The following ACCS variants were observed in gnomAD, a reference collection of about 807,000 sequenced individuals.
ACCS encodes 1-aminocyclopropane-1-carboxylate synthase-like protein 1.
A neutral mutation model predicts 59.8 loss-of-function variants in ACCS; 42 were observed. That is an observed-to-expected ratio of 0.70 (90% confidence interval 0.55 to 0.91). The LOEUF (loss-of-function observed/expected upper bound fraction) is 0.91. Ranked by LOEUF, ACCS falls within the 40% of genes least tolerant of loss-of-function variation. The probability of loss-of-function intolerance (pLI) is 0.00; values close to 1 mark genes in which losing one functional copy is unlikely to be tolerated. For synonymous variants in ACCS, 230 were observed against 240.3 expected (o/e 0.96, Z 0.40); for missense variants, 602 against 630.4 (o/e 0.95, Z 0.48).
intron 6 of ACCS, 116 bp downstream of exon 6, chr11:44,075,708 A>C (rs1036860864): frequency 1.5e-5 from 18 of 1,240,630 alleles, no homozygotes; most frequent in Admixed American, 2.2e-5. Flanking sequence ...AGAATATACT[A>C]GACTGCAGGG....
chr11:44,079,541 C>A lies in ACCS; in HGVS notation c.844C>A (p.His282Asn), dbSNP rs767124799. The change falls in exon 10 of 15, where the codon CAT becomes AAT. Residue 282 changes from histidine (H) to asparagine (N), a missense_variant. Physicochemically the swap from His to Asn is moderately conservative, Grantham distance 68. Transcript: ENST00000263776. ...YLVFAKRHRLHVIVDEVYMLS... is the reference protein window; with the variant it reads ...YLVFAKRHRLNVIVDEVYMLS... ...CCTGCCTCACTCCAGGCACAGGCTG[C>A]ATGTGATTGTGGATGAGGTCTACAT... 2 of 1,610,988 alleles carry A rather than the reference C, an allele frequency of 1.2e-6. No individual in the cohort carries two copies. Among genetic ancestry groups the A allele is most frequent in the South Asian group, 2.2e-5 (2 of 89,956 alleles).
intron 7 of ACCS, 196 bp from the exon 8 acceptor site, chr11:44,077,649 A>C: frequency 2.8e-6 from 4 of 1,439,246 alleles, no homozygotes; most frequent in Non-Finnish European, 3.6e-6. Flanking sequence ...CATGACACCC[A>C]AGAGTGATGA....
Position 44,079,635 on chromosome 11 carries a change from C to T in ACCS, c.923+15C>T. 6.3e-7 allele frequency: 1 copy of T among 1,595,806 alleles called. No homozygotes were observed. The highest frequency in any genetic ancestry group is 8.5e-7 in the Non-Finnish European group (1 of 1,170,112). On this transcript the variant is annotated intron_variant, in intron 10 of 14. Transcript: ENST00000263776. ...AGCCTGGAAAGGTGAGGCTCCCTGA[C>T]ACAGCTAACTCCCCCAGTCCCTATT...
At chr11:44,071,438 G>A (rs557812453) in intron 3 of ACCS, 123 bp downstream of exon 3, 3 of 1,063,916 alleles carry the variant, frequency 2.8e-6, no homozygotes, top group East Asian at 4.8e-5. Flanking sequence ...CAGGAGACCC[G>A]GGTTCCAGGC....
chr11:44,074,241 G>A (rs1953200926), intron 4 of ACCS, among the ~76,000 whole-genome samples: 1 of 152,094 alleles, frequency 6.6e-6, no homozygotes, highest in South Asian at 2.1e-4. Context: ...TGAAGAGTAA[G>A]TAAAAATTTT....
rs1165340791 is a variant in ACCS, at chr11:44,067,748, G to T, written c.121G>T (p.Asp41Tyr). 6.2e-7 allele frequency: 1 copy of T among 1,614,190 alleles called. No individual in the cohort carries two copies. The highest frequency in any genetic ancestry group is 1.1e-5 in the South Asian group (1 of 91,074). The change falls in exon 2 of 15, where the codon GAC (aspartate) becomes TAC (tyrosine). Residue 41 changes from aspartate to tyrosine, a missense_variant. Coordinates refer to ENST00000263776, the MANE Select transcript of ACCS (RefSeq NM_032592.4). ...GGAAGGAGAATGCTCCAGAAAACTG[G>T]ACCAGAAGCTGCCAGAGCTCCGTGG... ...DLEGECSRKL[D>Y]QKLPELRGVG...
chr11:44,075,695 A>G (rs1953327580), intron 6 of ACCS, 103 bp downstream of exon 6: 2 of 1,372,258 alleles, frequency 1.5e-6, no homozygotes, highest in East Asian at 2.3e-5. Context: ...TTTCGGGCAC[A>G]ATAGAATATA....
intron 1 of ACCS, chr11:44,067,247 A>G (rs751762934): frequency 3.2e-5 from 6 of 189,542 alleles, no homozygotes; most frequent in Non-Finnish European, 3.3e-5. Context: ...ACTCCCAGGC[A>G]ATACTCTGCT....
In ACCS at chr11:44,083,020, G is replaced by A. The variant is rs571348084; in HGVS notation, c.1112-149G>A. The A allele has an allele frequency of 2.0e-5, 21 of 1,071,086 alleles. No homozygotes were observed. The East Asian group carries it at 3.4e-4, about 17-fold the overall frequency. The allele number at this position is 1,071,086 out of a possible 1,614,324, so 66.3% of individuals were successfully genotyped here. A position where few individuals can be genotyped will look rare whatever the true frequency, so the allele number is the denominator to read the frequency against. On this transcript the variant is annotated intron_variant, in intron 12 of 14. Transcript: ENST00000263776. ...TCCATCCCTTCTTGACCTCCCCTTCGTAATCCTTCCCACCACAGCAGCCAG... is the reference window on the plus strand; with the variant it reads ...TCCATCCCTTCTTGACCTCCCCTTCATAATCCTTCCCACCACAGCAGCCAG...
At position 44,073,485 on chromosome 11, in the gene ACCS, G is replaced by A. The variant is rs759905134; in HGVS notation, c.387G>A (p.Leu129=). 1.2e-5 allele frequency: 19 copies of A among 1,608,702 alleles called. No homozygotes were observed. The South Asian group carries it at 2.1e-4, about 18-fold the overall frequency. ...QRDMQRVEPS[L]LQYADWRGHL... Reference sequence around the variant, plus strand: ...ACATGCAGAGGGTGGAGCCATCCCTGCTGCAGTATGCTGACTGGAGGGGAC... The same window carrying A: ...ACATGCAGAGGGTGGAGCCATCCCTACTGCAGTATGCTGACTGGAGGGGAC... Residue 129 remains leucine (L), a synonymous_variant, in exon 4 of 15, where the codon CTG becomes CTA. Transcript: ENST00000263776.
chr11:44,071,270 G>T lies in ACCS; in HGVS notation c.303G>T (p.Leu101Phe). The change falls in exon 3 of 15, where the codon TTG becomes TTT. Residue 101 changes from leucine (L) to phenylalanine (F), a missense_variant. Transcript: ENST00000263776. Reference protein sequence around the residue: ...EDKNPSGIINLGTSENKLCFD... With the variant: ...EDKNPSGIINFGTSENKLCFD... ...CTCATCTCCAGGGCATCATTAACTT[G>T]GGCACCAGTGAGAACAAACTCTGCT... 1.9e-6 allele frequency: 3 copies of T among 1,614,066 alleles called. No individual in the cohort carries two copies. Among genetic ancestry groups the T allele is most frequent in the Non-Finnish European group, 1.7e-6 (2 of 1,179,990 alleles).
intron 5 of ACCS, among the ~76,000 whole-genome samples, chr11:44,075,061 T>A (rs548602006): frequency 5.9e-4 from 90 of 152,080 alleles, no homozygotes; most frequent in African/African-American, 2.2e-3. Context: ...CGACCTCAGG[T>A]GATCTGCCCG....
In ACCS at chr11:44,083,549, C is replaced by G. The variant is rs1185934750; in HGVS notation, c.1380C>G (p.Phe460Leu). ...AGCCTGGTTGGTTTCGCTTTGTCTTCTCAGACCAGGTCCACCGGCTTTGCC... is the reference window on the plus strand; with the variant it reads ...AGCCTGGTTGGTTTCGCTTTGTCTTGTCAGACCAGGTCCACCGGCTTTGCC... ...CKEPGWFRFV[F>L]SDQVHRLCLG... The change falls in exon 14 of 15, where the codon TTC (phenylalanine) becomes TTG (leucine). Residue 460 changes from phenylalanine (F) to leucine (L), a missense_variant. By Grantham distance (22) the Phe-to-Leu change is conservative. Coordinates refer to ENST00000263776, the MANE Select transcript of ACCS (RefSeq NM_032592.4). The G allele has an allele frequency of 6.2e-7, 1 of 1,614,260 alleles. No individual in the cohort carries two copies. The highest frequency in any genetic ancestry group is 1.7e-5 in the Admixed American group (1 of 60,032).
In ACCS at chr11:44,073,423, G is replaced by A. The variant is rs370257359; in HGVS notation, c.349-24G>A. 137 of 1,597,716 alleles carry A rather than the reference G, an allele frequency of 8.6e-5. No individual in the cohort carries two copies. The African/African-American group carries it at 1.5e-3, about 18-fold the overall frequency. On this transcript the variant is annotated intron_variant, in intron 3 of 14. Transcript: ENST00000263776. ...CTGGTAGCAGTGCTGGCCCTCAGCC[G>A]TGCTCTTCCCTCTCTGTCCCCAGCT...
intron 6 of ACCS, 100 bp from the exon 7 acceptor site, chr11:44,077,179 A>T: frequency 7.4e-7 from 1 of 1,350,580 alleles, no homozygotes; most frequent in Non-Finnish European, 1.0e-6. Context: ...AACGGTCCCC[A>T]AAGAAGTTAA....
chr11:44,071,552 T>A lies in ACCS; in HGVS notation c.348+237T>A, dbSNP rs528562497. 1.3e-3 allele frequency: 617 copies of A among 477,228 alleles called. 1 individual carries two copies. Among genetic ancestry groups the A allele is most frequent in the Non-Finnish European group, 2.0e-3 (546 of 266,878 alleles). The allele number at this position is 477,228 out of a possible 1,614,324, so 29.6% of individuals were successfully genotyped here. ...TCTTATTTCACTCAGTCCCTCCTGC[T>A]GTGTTGGGTCCCCTGATCTCAGAGG... is the stretch of plus-strand genomic sequence containing the variant. On this transcript the variant is annotated intron_variant, in intron 3 of 14. Coordinates refer to ENST00000263776, the MANE Select transcript of ACCS (RefSeq NM_032592.4).
At position 44,071,226 on chromosome 11, in the gene ACCS, TAA is replaced by T. The variant is rs750950641; in HGVS notation, c.289-29_289-28del. 8.1e-6 allele frequency: 13 copies of T among 1,613,852 alleles called. No individual in the cohort carries two copies. In the Admixed American group the frequency reaches 1.0e-4, roughly 12 times the overall value. On this transcript the variant is annotated intron_variant, in intron 2 of 14. Transcript: ENST00000263776. ...TTTCACTGGCACCCCCCTGCCATGC[TAA>T]CTCTGCCTCTGTACCTCTCATCTCC...
chr11:44,073,004 G>A (rs1953134028), intron 3 of ACCS, among the ~76,000 whole-genome samples: 1 of 152,206 alleles, frequency 6.6e-6, no homozygotes, highest in African/African-American at 2.4e-5. Context: ...TTTAAAGTGT[G>A]AGGTTGAGCT....
In ACCS at chr11:44,071,330, C is replaced by G. The variant is rs2074039; in HGVS notation, c.348+15C>G. ...TGTCCTGGCGGGTAAGTCCTAGGGC[C>G]CCTCTAGGGGGCATCACCAGCTCCG... On this transcript the variant is annotated intron_variant, in intron 3 of 14. Coordinates refer to ENST00000263776, the MANE Select transcript of ACCS (RefSeq NM_032592.4). 1.2e-6 allele frequency: 2 copies of G among 1,613,112 alleles called. No individual in the cohort carries two copies. The highest frequency in any genetic ancestry group is 2.7e-5 in the African/African-American group (2 of 74,876).
Sources: gnomAD v4.1 joint callset for allele counts (sites outside exome capture counted in the v4.1 genomes callset) on GRCh38, gnomAD v4.1.1 for gene constraint, MANE v1.5 for transcripts, NCBI Gene and HGNC (gene_info 2026-07-23, HGNC 2026-07-21) for gene names.